The following CTNNA3 variants were observed in gnomAD, a reference collection of about 807,000 sequenced individuals.
CTNNA3 encodes catenin alpha-3.
CTNNA3 carries 76 observed loss-of-function variants against 95.7 expected under a neutral mutation model. That is an observed-to-expected ratio of 0.79 (90% CI 0.66 to 0.96). CTNNA3 has a LOEUF of 0.96. Ranked by LOEUF, CTNNA3 falls within the 40% of genes least tolerant of loss-of-function variation. The probability of loss-of-function intolerance (pLI) is 0.00; values close to 1 mark genes in which losing one functional copy is unlikely to be tolerated. For missense variants in CTNNA3, 1,191 were observed against 1,089.8 expected (o/e 1.09, Z -1.31); for synonymous variants, 431 against 374.4 (o/e 1.15, Z -1.74).
At chr10:67,506,424 GC>G (rs1554846103) in intron 5 of CTNNA3, among the ~76,000 whole-genome samples, 1 of 152,080 alleles carries the variant, frequency 6.6e-6, no homozygotes, top group Non-Finnish European at 1.5e-5. Flanking sequence ...AGTTTAGAGA[GC>G]AAAAATAAGT....
chr10:67,588,703 C>T (rs539705505), intron 3 of CTNNA3, among the ~76,000 whole-genome samples: 94 of 152,096 alleles, frequency 6.2e-4, no homozygotes, highest in Non-Finnish European at 1.3e-3. Flanking sequence ...TCCCTGAACA[C>T]TCTTGAAATT....
At chr10:66,152,854 T>C (rs1351136565) in intron 13 of CTNNA3, among the ~76,000 whole-genome samples, 2 of 151,988 alleles carry the variant, frequency 1.3e-5, no homozygotes, top group Admixed American at 1.3e-4. Flanking sequence ...GCTCCAGGAA[T>C]GTGTAAATAA....
chr10:66,900,348 A>G (rs1246282825), intron 7 of CTNNA3, among the ~76,000 whole-genome samples: 2 of 152,160 alleles, frequency 1.3e-5, no homozygotes, highest in African/African-American at 2.4e-5. Context: ...GGACATCCCC[A>G]ATAAAACCCC....
chr10:67,576,433 C>T (rs1842147576), intron 3 of CTNNA3, among the ~76,000 whole-genome samples: 2 of 152,142 alleles, frequency 1.3e-5, no homozygotes, highest in South Asian at 4.1e-4. Context: ...CTTACCCCCT[C>T]TACTATAATT....
chr10:67,339,228 A>G (rs1473717280), intron 5 of CTNNA3, among the ~76,000 whole-genome samples: 4 of 152,178 alleles, frequency 2.6e-5, no homozygotes, highest in Admixed American at 2.0e-4. Flanking sequence ...TGTCCTTATT[A>G]AGACTATATT....
intron 5 of CTNNA3, among the ~76,000 whole-genome samples, chr10:67,392,252 A>G (rs1844528886): frequency 6.6e-6 from 1 of 152,262 alleles, no homozygotes; most frequent in Non-Finnish European, 1.5e-5. Flanking sequence ...AAAGGACAAG[A>G]ACAGACACTT....
intron 11 of CTNNA3, among the ~76,000 whole-genome samples, chr10:66,465,113 T>A (rs1216879780): frequency 6.6e-6 from 1 of 152,082 alleles, no homozygotes; most frequent in Non-Finnish European, 1.5e-5. Context: ...ATACCACAAA[T>A]AAATTGCCTG....
At chr10:67,731,763 C>T (rs1016301301) in intron 1 of CTNNA3, among the ~76,000 whole-genome samples, 4 of 149,866 alleles carry the variant, frequency 2.7e-5, no homozygotes, top group African/African-American at 4.9e-5. Context: ...GATTATGCCA[C>T]TGCACTCCCG....
At chr10:67,086,403 G>A (rs1365678878) in intron 7 of CTNNA3, among the ~76,000 whole-genome samples, 2 of 151,936 alleles carry the variant, frequency 1.3e-5, no homozygotes, top group African/African-American at 4.8e-5. Context: ...AATTAATTTA[G>A]TAATGAAGTT....
At chr10:66,174,920 T>C (rs2085628085) in intron 13 of CTNNA3, among the ~76,000 whole-genome samples, 1 of 152,144 alleles carries the variant, frequency 6.6e-6, no homozygotes, top group Non-Finnish European at 1.5e-5. Context: ...ATTTAAGTGA[T>C]TTGCTTAAAG....
At chr10:67,059,284 T>C (rs1855618985) in intron 7 of CTNNA3, among the ~76,000 whole-genome samples, 1 of 152,200 alleles carries the variant, frequency 6.6e-6, no homozygotes, top group Non-Finnish European at 1.5e-5. Context: ...GCTAAATGAA[T>C]TGACATCATG....
intron 5 of CTNNA3, among the ~76,000 whole-genome samples, chr10:67,465,782 C>T (rs1469965917): frequency 6.6e-6 from 1 of 152,132 alleles, no homozygotes; most frequent in African/African-American, 2.4e-5. Context: ...AAAACAGCCT[C>T]TGTACTGCAC....
intron 12 of CTNNA3, among the ~76,000 whole-genome samples, chr10:66,281,678 G>A (rs1420462016): frequency 6.6e-6 from 1 of 151,716 alleles, no homozygotes; most frequent in Non-Finnish European, 1.5e-5. Context: ...ATTTTGACTG[G>A]TATAAAAATA....
intron 5 of CTNNA3, among the ~76,000 whole-genome samples, chr10:67,450,258 A>G (rs1846923498): frequency 6.6e-6 from 1 of 152,196 alleles, no homozygotes; most frequent in Non-Finnish European, 1.5e-5. Flanking sequence ...AAGACCTAAA[A>G]ACAGAACTAC....
At chr10:66,331,649 C>T (rs1249161881) in intron 12 of CTNNA3, among the ~76,000 whole-genome samples, 1 of 151,788 alleles carries the variant, frequency 6.6e-6, no homozygotes, top group African/African-American at 2.4e-5. Context: ...CTGTTCTGTT[C>T]CATTGGTCTA....
intron 7 of CTNNA3, among the ~76,000 whole-genome samples, chr10:67,057,031 A>T (rs139151611): frequency 6.6e-6 from 1 of 152,318 alleles, no homozygotes; most frequent in Non-Finnish European, 1.5e-5. Flanking sequence ...TAAGCACTAC[A>T]TCAGCAATTC....
intron 11 of CTNNA3, among the ~76,000 whole-genome samples, chr10:66,460,283 T>G (rs2093520244): frequency 6.6e-6 from 1 of 152,206 alleles, no homozygotes; most frequent in South Asian, 2.1e-4. Flanking sequence ...GAGAAACTTG[T>G]GCCAGAATGT....
intron 7 of CTNNA3, among the ~76,000 whole-genome samples, chr10:66,792,572 A>G (rs1841017856): frequency 6.6e-6 from 1 of 152,164 alleles, no homozygotes; most frequent in African/African-American, 2.4e-5. Flanking sequence ...AACACTGTTC[A>G]GATACCCAGC....
At chr10:67,445,367 C>T (rs78089165) in intron 5 of CTNNA3, among the ~76,000 whole-genome samples, 2,650 of 151,580 alleles carry the variant, frequency 0.017, 84 homozygotes, top group African/African-American at 0.059. Context: ...ACTCTGCAAT[C>T]AAATGATGTA....
Sources: gnomAD v4.1 joint callset for allele counts (sites outside exome capture counted in the v4.1 genomes callset) on GRCh38, gnomAD v4.1.1 for gene constraint, MANE v1.5 for transcripts, NCBI Gene and HGNC (gene_info 2026-07-23, HGNC 2026-07-21) for gene names.